PTH2R: variants seen among roughly 807,000 people sequenced by gnomAD.
The protein encoded by PTH2R is PTH2 receptor.
A neutral mutation model predicts 60.3 loss-of-function variants in PTH2R; 59 were observed. The ratio of observed to expected loss-of-function variants is 0.98; its 90% CI spans 0.79 to 1.22. The LOEUF (loss-of-function observed/expected upper bound fraction) is 1.22, where lower values mean the gene tolerates loss of function less well. PTH2R is among the 50% of genes most tolerant of loss of function. PTH2R has a pLI of 0.00. For missense variants in PTH2R, 749 were observed against 682.6 expected (o/e 1.10, Z -1.08); for synonymous variants, 256 against 243.8 (o/e 1.05, Z -0.47).
At chr2:208,430,475 T>C (rs1243288600) in intron 2 of PTH2R, among the ~76,000 whole-genome samples, 1 of 151,832 alleles carries the variant, frequency 6.6e-6, no homozygotes, top group Non-Finnish European at 1.5e-5. Flanking sequence ...TTTTTTTTTC[T>C]AGCTTCCATT....
intron 8 of PTH2R, among the ~76,000 whole-genome samples, chr2:208,451,047 A>G (rs1055431043): frequency 2.6e-5 from 4 of 152,144 alleles, no homozygotes; most frequent in African/African-American, 4.8e-5. Context: ...CCATAGATTA[A>G]GAAACAAATG....
At chr2:208,371,602 A>G (rs1057004848) in intron 1 of PTH2R, among the ~76,000 whole-genome samples, 2 of 152,106 alleles carry the variant, frequency 1.3e-5, no homozygotes, top group African/African-American at 4.8e-5. Flanking sequence ...TCCTCCCAAC[A>G]TGACCAAGCT....
At chr2:208,436,468 C>T (rs1192859855) in intron 2 of PTH2R, among the ~76,000 whole-genome samples, 1 of 152,106 alleles carries the variant, frequency 6.6e-6, no homozygotes, top group Non-Finnish European at 1.5e-5. Context: ...TGTCTGAGTC[C>T]AGTGAGGCAG....
chr2:208,398,600 C>A (rs1406147401), intron 1 of PTH2R, among the ~76,000 whole-genome samples: 1 of 152,158 alleles, frequency 6.6e-6, no homozygotes, highest in Admixed American at 6.5e-5. Flanking sequence ...CTTAGATAAT[C>A]ATTTTAGAGC....
chr2:208,456,912 T>C (rs1171397095), intron 8 of PTH2R, among the ~76,000 whole-genome samples: 1 of 152,210 alleles, frequency 6.6e-6, no homozygotes, highest in African/African-American at 2.4e-5. Context: ...TTTGAAACTT[T>C]GACACTGAAA....
intron 1 of PTH2R, among the ~76,000 whole-genome samples, chr2:208,378,045 T>C (rs1269434675): frequency 6.6e-6 from 1 of 151,924 alleles, no homozygotes; most frequent in African/African-American, 2.4e-5. Context: ...AGGTTGTAGC[T>C]AGCCGAGATC....
chr2:208,407,201 C>T (rs1034495780), intron 1 of PTH2R, 83 bp downstream of exon 1: 25 of 1,206,522 alleles, frequency 2.1e-5, no homozygotes, highest in Admixed American at 1.6e-4. Flanking sequence ...GCCAGGTGCG[C>T]GCGAGAGCTC....
chr2:208,398,524 A>T (rs1701252014), intron 1 of PTH2R, among the ~76,000 whole-genome samples: 1 of 152,242 alleles, frequency 6.6e-6, no homozygotes, highest in Non-Finnish European at 1.5e-5. Context: ...CTGCAAAGGC[A>T]TAGAAGAAAG....
At chr2:208,443,706 T>G (rs1296621192) in intron 6 of PTH2R, among the ~76,000 whole-genome samples, 169 bp downstream of exon 6, 1 of 152,202 alleles carries the variant, frequency 6.6e-6, no homozygotes, top group Non-Finnish European at 1.5e-5. Context: ...TGTCCTTTCA[T>G]GTCTAATCAA....
intron 9 of PTH2R, among the ~76,000 whole-genome samples, chr2:208,468,524 C>T (rs1358938077): frequency 1.3e-5 from 2 of 152,200 alleles, no homozygotes; most frequent in African/African-American, 4.8e-5. Context: ...TGCCTCTTTA[C>T]ATGCCACACC....
At chr2:208,446,440 A>G (rs996074182) in intron 7 of PTH2R, among the ~76,000 whole-genome samples, 3 of 152,252 alleles carry the variant, frequency 2.0e-5, no homozygotes, top group African/African-American at 7.2e-5. Context: ...CAACTACAAT[A>G]GAAATCTTCA....
intron 1 of PTH2R, among the ~76,000 whole-genome samples, chr2:208,383,021 C>G (rs1334927018): frequency 1.3e-5 from 2 of 152,246 alleles, no homozygotes; most frequent in African/African-American, 4.8e-5. Flanking sequence ...CACCTGTGCA[C>G]TAATCAGTTC....
chr2:208,428,112 CAATTAGATTAGAAGGTGA>C, intron 1 of PTH2R, 71 bp from the exon 2 acceptor site: 4 of 939,866 alleles, frequency 4.3e-6, no homozygotes, highest in Non-Finnish European at 6.4e-6. Context: ...AACTCATTTT[CAATTAGATTAGAAGGTGA>C]AATAATGAAA....
At chr2:208,363,469 A>G (rs1700517783) in intron 1 of PTH2R, among the ~76,000 whole-genome samples, 1 of 152,224 alleles carries the variant, frequency 6.6e-6, no homozygotes. Flanking sequence ...TAGTGCTATG[A>G]TGAACATATG....
chr2:208,459,807 G>T, intron 8 of PTH2R, 88 bp from the exon 9 acceptor site: 1 of 1,027,894 alleles, frequency 9.7e-7, no homozygotes, highest in Non-Finnish European at 1.5e-6. Flanking sequence ...GTGTGGGGTT[G>T]GAGTTTTTGG....
intron 1 of PTH2R, among the ~76,000 whole-genome samples, chr2:208,390,280 G>A (rs1305929071): frequency 1.3e-5 from 2 of 152,170 alleles, no homozygotes; most frequent in African/African-American, 2.4e-5. Flanking sequence ...TTTGGAGAGA[G>A]TGTTCTTTGC....
chr2:208,377,082 G>A (rs949145677), intron 1 of PTH2R, among the ~76,000 whole-genome samples: 10 of 152,008 alleles, frequency 6.6e-5, no homozygotes, highest in African/African-American at 2.4e-4. Context: ...CTCTTAACGA[G>A]TCTGCTGCCT....
In PTH2R at chr2:208,416,597, C is replaced by T. The variant is rs566869932; in HGVS notation, c.75+9479C>T. 3.0e-4 allele frequency among the ~76,000 whole-genome samples: 45 copies of T among 152,266 alleles called. No individual in the cohort carries two copies. The South Asian group carries it at 8.9e-3, about 30-fold the overall frequency. ...GCCGTTCTGTATGTGATGGTTAATACTGAGGGTCAACTTGATTGGATTGAA... is the reference window on the plus strand; with the variant it reads ...GCCGTTCTGTATGTGATGGTTAATATTGAGGGTCAACTTGATTGGATTGAA... On this transcript the variant is annotated intron_variant, in intron 1 of 12. Transcript: ENST00000272847.
At chr2:208,423,960 G>A (rs1347665) in intron 1 of PTH2R, among the ~76,000 whole-genome samples, 111,997 of 152,080 alleles carry the variant, frequency 0.74, 45,021 homozygotes, top group East Asian at 0.94. Flanking sequence ...TGGTTCCTCC[G>A]TCAGCTATCA....
Sources: gnomAD v4.1 joint callset for allele counts (sites outside exome capture counted in the v4.1 genomes callset) on GRCh38, gnomAD v4.1.1 for gene constraint, MANE v1.5 for transcripts, NCBI Gene and HGNC (gene_info 2026-07-23, HGNC 2026-07-21) for gene names.